Variants in ZNF460 observed in about 807,000 individuals in gnomAD.
The protein encoded by ZNF460 is zinc finger protein 272.
ZNF460 carries 1 observed loss-of-function variant against 8.4 expected under a neutral mutation model. The observed-to-expected ratio is 0.12, with a 90% CI of 0.04 to 0.56. The LOEUF (loss-of-function observed/expected upper bound fraction) is 0.56, where lower values mean the gene tolerates loss of function less well. Among genes scored for constraint, ZNF460 ranks in the 20% least tolerant of loss-of-function variants. The pLI is 0.91. For missense variants in ZNF460, 477 were observed against 714.8 expected (o/e 0.67, Z 3.79); for synonymous variants, 262 against 259.9 (o/e 1.01, Z -0.08).
At chr19:57,288,213 T>A (rs2087892693) in intron 2 of ZNF460, among the ~76,000 whole-genome samples, 1 of 152,142 alleles carries the variant, frequency 6.6e-6, no homozygotes, top group Admixed American at 6.6e-5. Context: ...AATTTTCCCC[T>A]TTTTTAAGAG....
intron 2 of ZNF460, among the ~76,000 whole-genome samples, chr19:57,288,141 G>A (rs2087892224): frequency 6.6e-6 from 1 of 152,116 alleles, no homozygotes; most frequent in African/African-American, 2.4e-5. Flanking sequence ...GATAACTGAT[G>A]ATGGCCCACA....
At chr19:57,283,192 A>G (rs1377867810) in intron 1 of ZNF460, among the ~76,000 whole-genome samples, 2 of 143,086 alleles carry the variant, frequency 1.4e-5, no homozygotes, top group Admixed American at 7.1e-5. Context: ...CTTTGTTTTG[A>G]TGGAGTCTAG....
chr19:57,286,212 A>G (rs1182801449), intron 2 of ZNF460, among the ~76,000 whole-genome samples: 1 of 152,154 alleles, frequency 6.6e-6, no homozygotes. Context: ...CCATTTTTCC[A>G]ACAGCATGTG....
At position 57,291,333 on chromosome 19, in the gene ZNF460, G is replaced by T. The variant is rs781196249; in HGVS notation, c.792G>T (p.Gly264=). 2 of 1,612,862 alleles carry T rather than the reference G, an allele frequency of 1.2e-6. No homozygotes were observed. Among genetic ancestry groups the T allele is most frequent in the South Asian group, 2.2e-5 (2 of 91,006 alleles). Residue 264 remains glycine (G), a synonymous_variant, in exon 3 of 3, where the codon GGG becomes GGT. Transcript: ENST00000360338. The surrounding 1 kb of genome is among the most constrained non-coding windows in gnomAD (Gnocchi z 8.4). ...AATGTGGAAGGACCTTCAATCGCGG[G>T]TCGCACCTTACACGGCACCAGCGGG... The part of the protein sequence containing the change: ...CSECGRTFNR[G]SHLTRHQRVH...
chr19:57,291,488 G>C lies in ZNF460; in HGVS notation c.947G>C (p.Gly316Ala). The C allele has an allele frequency of 6.2e-7, 1 of 1,613,734 alleles. No homozygotes were observed. The highest frequency in any genetic ancestry group is 8.5e-7 in the Non-Finnish European group (1 of 1,179,912). ...TTCGCATGCAGCGAATGTGGAAAAG[G>C]CTTTTATGAGAGTACAGCCCTCATT... is the stretch of plus-strand genomic sequence containing the variant. ...KPFACSECGK[G>A]FYESTALIQH... Residue 316 changes from glycine to alanine, a missense_variant, in exon 3 of 3, where the codon GGC (glycine) becomes GCC (alanine). Gly to Ala is a moderately conservative substitution (Grantham distance 60). Coordinates refer to ENST00000360338, the MANE Select transcript of ZNF460 (RefSeq NM_006635.4). The surrounding 1 kb of genome is among the most constrained non-coding windows in gnomAD (Gnocchi z 8.4).
At chr19:57,282,160 T>A (rs1008593366) in intron 1 of ZNF460, among the ~76,000 whole-genome samples, 1 of 152,204 alleles carries the variant, frequency 6.6e-6, no homozygotes, top group African/African-American at 2.4e-5. Flanking sequence ...ATTGGTTGTT[T>A]AAGGAGTTCT....
chr19:57,290,866 C>T lies in ZNF460; in HGVS notation c.325C>T (p.Pro109Ser). 1 of 1,614,074 alleles carries T rather than the reference C, an allele frequency of 6.2e-7. No individual in the cohort carries two copies. The highest frequency in any genetic ancestry group is 8.5e-7 in the Non-Finnish European group (1 of 1,180,018). Residue 109 changes from proline (P) to serine (S), a missense_variant, in exon 3 of 3, where the codon CCA becomes TCA. Physicochemically the swap from Pro to Ser is moderately conservative, Grantham distance 74. Transcript: ENST00000360338. Reference protein sequence around the residue: ...PSEMQEYFLRPGTDPQSEKLH... With the variant: ...PSEMQEYFLRSGTDPQSEKLH... ...TGAAATGCAGGAATACTTTTTGAGA[C>T]CAGGGACAGACCCACAGAGTGAGAA...
chr19:57,288,005 A>G (rs2087891347), intron 2 of ZNF460, among the ~76,000 whole-genome samples: 1 of 151,238 alleles, frequency 6.6e-6, no homozygotes. Flanking sequence ...ACAAACAAAC[A>G]AAAAAAACCA....
chr19:57,290,971 G>C lies in ZNF460; in HGVS notation c.430G>C (p.Val144Leu). 1.2e-6 allele frequency: 2 copies of C among 1,614,228 alleles called. No individual in the cohort carries two copies. The highest frequency in any genetic ancestry group is 1.7e-6 in the Non-Finnish European group (2 of 1,180,044). ...GICSMMIQNQVSPEDALYGFD... is the reference protein window; with the variant it reads ...GICSMMIQNQLSPEDALYGFD... ...TTGTTCAATGATGATACAGAACCAA[G>C]TCTCACCAGAAGATGCTCTCTATGG... Residue 144 changes from valine to leucine, a missense_variant, in exon 3 of 3, where the codon GTC (valine) becomes CTC (leucine). This residue lies in a region of ZNF460 where 169 missense variants were observed against 178.6 expected (regional missense o/e 0.95). Coordinates refer to ENST00000360338, the MANE Select transcript of ZNF460 (RefSeq NM_006635.4).
rs968032531 is a variant in ZNF460, at chr19:57,293,463, A to G, written c.*1233A>G. On this transcript the variant is annotated 3_prime_UTR_variant, in exon 3 of 3. Coordinates refer to ENST00000360338, the MANE Select transcript of ZNF460 (RefSeq NM_006635.4). ...ATATGTTTAATCAGAATATTTTGGA[A>G]TTTCTCTTTTGGTATTCTTTTTGTT... is the stretch of plus-strand genomic sequence containing the variant. 6.6e-6 allele frequency: 1 copy of G among 152,092 alleles called. No homozygotes were observed. The highest frequency in any genetic ancestry group is 1.5e-5 in the Non-Finnish European group (1 of 68,006). 9.4% of individuals were successfully genotyped at this position (152,092 alleles called of 1,614,324 possible). A position where few individuals can be genotyped will look rare whatever the true frequency, so the allele number is the denominator to read the frequency against.
chr19:57,281,045 C>A (rs368690890), intron 1 of ZNF460, among the ~76,000 whole-genome samples: 2 of 152,176 alleles, frequency 1.3e-5, no homozygotes, highest in African/African-American at 4.8e-5. Flanking sequence ...AGGAGTGATG[C>A]TTCCTTCTAG....
Position 57,291,109 on chromosome 19 carries a change from C to G in ZNF460, c.568C>G (p.Leu190Val). 1 of 1,614,226 alleles carries G rather than the reference C, an allele frequency of 6.2e-7. No homozygotes were observed. Among genetic ancestry groups the G allele is most frequent in the African/African-American group, 1.3e-5 (1 of 75,060 alleles). ...CTTCCTTGTTCAGCATGAGCAGATTCTCCCTCGTGTGAAGCCCTATGATTG... is the reference window on the plus strand; with the variant it reads ...CTTCCTTGTTCAGCATGAGCAGATTGTCCCTCGTGTGAAGCCCTATGATTG... ...NCFLVQHEQI[L>V]PRVKPYDCPE... is the part of the protein sequence containing the mutation. Residue 190 changes from leucine (L) to valine (V), a missense_variant, in exon 3 of 3, where the codon CTC (leucine) becomes GTC (valine). By Grantham distance (32) the Leu-to-Val change is conservative. This residue lies in a region of ZNF460 where 169 missense variants were observed against 178.6 expected (regional missense o/e 0.95). Coordinates refer to ENST00000360338, the MANE Select transcript of ZNF460 (RefSeq NM_006635.4). The surrounding 1 kb of genome is among the most constrained non-coding windows in gnomAD (Gnocchi z 8.4).
At chr19:57,285,335 C>G (rs923077097) in intron 2 of ZNF460, among the ~76,000 whole-genome samples, 6 of 152,150 alleles carry the variant, frequency 3.9e-5, no homozygotes, top group Admixed American at 6.5e-5. Context: ...TGGGTCTGCT[C>G]CTGTCACTGT....
intron 2 of ZNF460, among the ~76,000 whole-genome samples, chr19:57,288,171 AGT>A (rs1241550368): frequency 6.6e-6 from 1 of 152,110 alleles, no homozygotes; most frequent in Non-Finnish European, 1.5e-5. Context: ...TCTCTTATGT[AGT>A]GTCTAGCACT....
chr19:57,284,747 G>C, intron 2 of ZNF460, 70 bp downstream of exon 2: 1 of 1,476,270 alleles, frequency 6.8e-7, no homozygotes. Flanking sequence ...CTTCATCCTG[G>C]CTCCAGGCCT....
chr19:57,286,342 C>A (rs116486880), intron 2 of ZNF460, among the ~76,000 whole-genome samples: 1,657 of 152,226 alleles, frequency 0.011, 30 homozygotes, highest in African/African-American at 0.037. Flanking sequence ...ATTGTAATTG[C>A]TATGGGGCAC....
rs903212697 is a variant in ZNF460 at position 57,293,762 on chromosome 19, A to G, written c.*1532A>G. On this transcript the variant is annotated 3_prime_UTR_variant, in exon 3 of 3. Coordinates refer to ENST00000360338, the MANE Select transcript of ZNF460 (RefSeq NM_006635.4). ...GCTGTAATTTTGTATTTGTTAACCA[A>G]TCTCTATCTGCCTCTCTGCTGTCCT... 2.6e-5 allele frequency: 4 copies of G among 152,036 alleles called. No homozygotes were observed. The highest frequency in any genetic ancestry group is 4.8e-5 in the African/African-American group (2 of 41,438). 9.4% of individuals were successfully genotyped at this position (152,036 alleles called of 1,614,324 possible). A position where few individuals can be genotyped will look rare whatever the true frequency, so the allele number is the denominator to read the frequency against.
chr19:57,290,549 A>T, intron 2 of ZNF460, 150 bp from the exon 3 acceptor site: 1 of 778,020 alleles, frequency 1.3e-6, no homozygotes. Context: ...AAGTGCTGGG[A>T]TTACAGGGAT....
rs2087865839 is a variant in ZNF460, at chr19:57,284,603, G to A, written c.83G>A (p.Gly28Glu). ...VAVTFTQEEW[G>E]QLDVTQRALY... ...GTGACATTTACCCAGGAGGAGTGGG[G>A]GCAGTTGGACGTGACCCAGAGGGCC... Residue 28 changes from glycine (G) to glutamate (E), a missense_variant, in exon 2 of 3, where the codon GGG becomes GAG. Physicochemically the swap from Gly to Glu is moderately conservative, Grantham distance 98. Coordinates refer to ENST00000360338, the MANE Select transcript of ZNF460 (RefSeq NM_006635.4). 6.2e-7 allele frequency: 1 copy of A among 1,613,618 alleles called. No homozygotes were observed. Among genetic ancestry groups the A allele is most frequent in the East Asian group, 2.2e-5 (1 of 44,812 alleles).
Sources: allele counts gnomAD v4.1 joint callset (sites outside exome capture counted in the v4.1 genomes callset), GRCh38; gene constraint gnomAD v4.1.1; regional missense constraint gnomAD v4.1.1; non-coding constraint Gnocchi (gnomAD v3.1); transcripts MANE v1.5; gene names NCBI Gene and HGNC (gene_info 2026-07-23, HGNC 2026-07-21).